Variants in GRID1 observed in about 807,000 individuals in gnomAD.
The protein encoded by GRID1 is glutamate receptor ionotropic, delta-1.
Under a neutral mutation model 98.0 loss-of-function variants are expected in GRID1, and 28 were observed. The observed-to-expected ratio is 0.29, with a 90% CI of 0.21 to 0.39. The LOEUF is 0.39. Ranked by LOEUF, GRID1 falls within the 10% of genes least tolerant of loss-of-function variation. The pLI, the probability that GRID1 is intolerant of heterozygous loss-of-function variation, is 1.00. For synonymous variants in GRID1, 553 were observed against 538.5 expected (o/e 1.03, Z -0.37); for missense variants, 1,111 against 1,340.5 (o/e 0.83, Z 2.67).
Position 86,366,485 on chromosome 10 carries a change from C to G in GRID1, c.-93G>C. On this transcript the variant is annotated 5_prime_UTR_variant, in exon 1 of 16. Transcript: ENST00000327946. This position sits in a 1 kb window ranked among gnomAD's most constrained non-coding sequence, Gnocchi z 4.1. ...GCGCTGGTCCCGGTGCAGTCCCGGG[C>G]CGCTCCCCGGGAGAGCCGAGCCCGC... 1.3e-6 allele frequency: 1 copy of G among 792,918 alleles called. No individual in the cohort carries two copies. The highest frequency in any genetic ancestry group is 1.7e-6 in the Non-Finnish European group (1 of 576,382). 49.1% of individuals were successfully genotyped at this position (792,918 alleles called of 1,614,324 possible). A position where few individuals can be genotyped will look rare whatever the true frequency, so the allele number is the denominator to read the frequency against.
intron 4 of GRID1, among the ~76,000 whole-genome samples, chr10:86,087,522 G>C (rs1436575267): frequency 6.6e-6 from 1 of 151,924 alleles, no homozygotes; most frequent in East Asian, 1.9e-4. Context: ...GTGTGTGTGT[G>C]TGTGTGTGTG....
At chr10:86,273,135 T>A (rs1334933045) in intron 2 of GRID1, among the ~76,000 whole-genome samples, 14 of 151,950 alleles carry the variant, frequency 9.2e-5, no homozygotes, top group Admixed American at 9.2e-4. Flanking sequence ...ATTGTTCAAT[T>A]CCCACCTATG....
intron 12 of GRID1, among the ~76,000 whole-genome samples, chr10:85,716,564 TAATAA>T (rs1026015299): frequency 6.7e-6 from 1 of 149,988 alleles, no homozygotes; most frequent in Non-Finnish European, 1.5e-5. Context: ...AGTATAATAA[TAATAA>T]AATAAAATAA....
intron 5 of GRID1, among the ~76,000 whole-genome samples, chr10:85,881,399 C>G (rs1841011888): frequency 6.6e-6 from 1 of 152,200 alleles, no homozygotes; most frequent in East Asian, 1.9e-4. Context: ...GTCACCAAAA[C>G]AGCATGGTAC....
At chr10:85,882,004 C>G (rs1218677142) in intron 5 of GRID1, among the ~76,000 whole-genome samples, 4 of 152,078 alleles carry the variant, frequency 2.6e-5, no homozygotes, top group African/African-American at 7.2e-5. Flanking sequence ...ATTTATGCAG[C>G]CAAAAAACCA....
At chr10:85,609,870 C>T (rs1389339231) in intron 15 of GRID1, among the ~76,000 whole-genome samples, 1 of 152,198 alleles carries the variant, frequency 6.6e-6, no homozygotes, top group African/African-American at 2.4e-5. Context: ...ATAAATCTAG[C>T]GAGTGGCTCT....
chr10:85,880,959 A>T (rs1056098420), intron 5 of GRID1, among the ~76,000 whole-genome samples: 17 of 152,194 alleles, frequency 1.1e-4, no homozygotes, highest in Non-Finnish European at 2.2e-4. Context: ...AAAAATCACA[A>T]GCATTCTTAT....
chr10:86,131,003 G>A (rs7894739), intron 4 of GRID1, among the ~76,000 whole-genome samples: 1 of 139,486 alleles, frequency 7.2e-6, no homozygotes, highest in East Asian at 1.9e-4. Flanking sequence ...CGTCCTGCGA[G>A]TGGGGTCAGG....
At chr10:86,350,926 A>G (rs1361563085) in intron 2 of GRID1, among the ~76,000 whole-genome samples, 1 of 152,044 alleles carries the variant, frequency 6.6e-6, no homozygotes, top group Non-Finnish European at 1.5e-5. Context: ...TCCCTTAACC[A>G]TCTTCTCCCT....
At chr10:85,823,970 G>A (rs1842795917) in intron 8 of GRID1, among the ~76,000 whole-genome samples, 1 of 152,074 alleles carries the variant, frequency 6.6e-6, no homozygotes, top group African/African-American at 2.4e-5. Flanking sequence ...AAACACTAAA[G>A]AAAGTTCCTT....
intron 3 of GRID1, among the ~76,000 whole-genome samples, chr10:86,159,978 CCAT>C (rs1297374708): frequency 5.3e-5 from 8 of 152,084 alleles, no homozygotes; most frequent in African/African-American, 1.9e-4. Context: ...ATCATCACCA[CCAT>C]CATCATCACC....
chr10:86,156,133 C>T lies in GRID1; in HGVS notation c.521-17109G>A, dbSNP rs577553149. Among the ~76,000 whole-genome samples, 4 of 152,322 alleles carry T rather than the reference C, an allele frequency of 2.6e-5. No homozygotes were observed. The South Asian group carries it at 6.2e-4, about 24-fold the overall frequency. The stretch of plus-strand genomic sequence containing the variant: ...AGGAGAGCCCAAAAGAATGCCTGGC[C>T]TCTAGCGAAGGTGTGAGCAAGGGGA... On this transcript the variant is annotated intron_variant, in intron 3 of 15. Transcript: ENST00000327946.
chr10:86,139,061 T>C (rs746845152), intron 3 of GRID1, 37 bp from the exon 4 acceptor site: 16 of 1,472,318 alleles, frequency 1.1e-5, no homozygotes, highest in Non-Finnish European at 1.5e-5. Flanking sequence ...AGAAAAATCA[T>C]CTTTAAGTGG....
chr10:85,620,287 G>A (rs1311218555), intron 13 of GRID1, among the ~76,000 whole-genome samples: 1 of 152,204 alleles, frequency 6.6e-6, no homozygotes, highest in African/African-American at 2.4e-5. Flanking sequence ...AAGGGCAGAG[G>A]AGCTAGAGGT....
intron 9 of GRID1, 54 bp from the exon 10 acceptor site, chr10:85,728,106 T>C: frequency 8.5e-7 from 1 of 1,180,410 alleles, no homozygotes; most frequent in Non-Finnish European, 1.3e-6. Flanking sequence ...CATCAACACA[T>C]ATTTCCAGTG....
chr10:85,731,875 T>G (rs4259773), intron 8 of GRID1, among the ~76,000 whole-genome samples: 53,813 of 115,688 alleles, frequency 0.47, 11,741 homozygotes, highest in African/African-American at 0.63. Context: ...GAGGAAGGGA[T>G]AAAGAAAGGG....
intron 4 of GRID1, among the ~76,000 whole-genome samples, chr10:85,955,954 T>A (rs1036948361): frequency 6.6e-6 from 1 of 152,126 alleles, no homozygotes; most frequent in African/African-American, 2.4e-5. Flanking sequence ...AATTAGGATG[T>A]GACATTCACA....
At chr10:85,936,068 A>T (rs1417098965) in intron 4 of GRID1, among the ~76,000 whole-genome samples, 2 of 152,106 alleles carry the variant, frequency 1.3e-5, no homozygotes, top group African/African-American at 4.8e-5. Flanking sequence ...ATAATGGTGT[A>T]GGGGTTCTAT....
chr10:86,140,231 C>A (rs1475710295), intron 3 of GRID1, among the ~76,000 whole-genome samples: 1 of 152,228 alleles, frequency 6.6e-6, no homozygotes, highest in Non-Finnish European at 1.5e-5. Flanking sequence ...GTGCCTGAGT[C>A]ACACCCTCCA....
Sources: allele counts gnomAD v4.1 joint callset (sites outside exome capture counted in the v4.1 genomes callset), GRCh38; gene constraint gnomAD v4.1.1; non-coding constraint Gnocchi (gnomAD v3.1); transcripts MANE v1.5; gene names NCBI Gene and HGNC (gene_info 2026-07-23, HGNC 2026-07-21).